Variants in CACNA1H observed in about 807,000 individuals in gnomAD.
The protein encoded by CACNA1H is voltage-dependent T-type calcium channel subunit alpha-1H.
Under a neutral mutation model 192.5 loss-of-function variants are expected in CACNA1H, and 149 were observed. The ratio of observed to expected loss-of-function variants is 0.77; its 90% CI spans 0.68 to 0.89. The LOEUF (loss-of-function observed/expected upper bound fraction) is 0.89. CACNA1H is among the 40% of genes least tolerant of loss of function. CACNA1H has a pLI of 0.00. For missense variants in CACNA1H, 4,257 were observed against 3,423.5 expected, an observed-to-expected ratio of 1.24 and a Z score of -6.08; for synonymous variants, 2,202 against 1,475.2, an observed-to-expected ratio of 1.49 and a Z score of -11.29.
At chr16:1,217,590 C>T (rs1423043504) in intron 31 of CACNA1H, among the ~76,000 whole-genome samples, 5 of 152,220 alleles carry the variant, frequency 3.3e-5, no homozygotes, top group African/African-American at 9.6e-5. Flanking sequence ...TGTCTGTCCA[C>T]CAGGTAAGCT....
intron 2 of CACNA1H, among the ~76,000 whole-genome samples, chr16:1,162,639 TG>T (rs36082375): frequency 0.13 from 11,863 of 92,710 alleles, 579 homozygotes; most frequent in Non-Finnish European, 0.17. Context: ...ACACCTGGAG[TG>T]GGGGGGGGGG....
chr16:1,221,454 G>A lies in CACNA1H; in HGVS notation c.*460G>A. On this transcript the variant is annotated 3_prime_UTR_variant, in exon 35 of 35. Coordinates refer to ENST00000348261, the MANE Select transcript of CACNA1H (RefSeq NM_021098.3). ...TCACAGTCTGAGTTCTTGTCCGCCTGTCACGCCCTCACCACCCTCCCCTTC... is the reference window on the plus strand; with the variant it reads ...TCACAGTCTGAGTTCTTGTCCGCCTATCACGCCCTCACCACCCTCCCCTTC... The A allele has an allele frequency of 2.9e-6, 1 of 350,236 alleles. No individual in the cohort carries two copies. The highest frequency in any genetic ancestry group is 5.2e-6 in the Non-Finnish European group (1 of 193,004). 21.7% of individuals were successfully genotyped at this position (350,236 alleles called of 1,614,324 possible). A position where few individuals can be genotyped will look rare whatever the true frequency, so the allele number is the denominator to read the frequency against.
intron 20 of CACNA1H, 61 bp downstream of exon 20, chr16:1,210,712 C>A: frequency 6.3e-7 from 1 of 1,578,040 alleles, no homozygotes; most frequent in South Asian, 1.1e-5. Flanking sequence ...TCATCCCCAC[C>A]CCCACCCAGC....
intron 2 of CACNA1H, among the ~76,000 whole-genome samples, chr16:1,189,871 G>A (rs1027939476): frequency 2.6e-5 from 4 of 152,162 alleles, no homozygotes; most frequent in African/African-American, 4.8e-5. Flanking sequence ...TCATCGTTAC[G>A]AGCCCCTGGC....
chr16:1,200,617 G>T, intron 7 of CACNA1H, 46 bp downstream of exon 7: 1 of 1,604,090 alleles, frequency 6.2e-7, no homozygotes, highest in African/African-American at 1.3e-5. Context: ...CACGGCAGGG[G>T]AGCGGGTGCA....
intron 30 of CACNA1H, among the ~76,000 whole-genome samples, chr16:1,216,294 G>A (rs997605011): frequency 1.3e-5 from 2 of 152,220 alleles, no homozygotes; most frequent in Admixed American, 6.5e-5. Flanking sequence ...GCCTAGCTTC[G>A]TCCAAGTAAC....
chr16:1,189,523 C>T (rs1012709507), intron 2 of CACNA1H, among the ~76,000 whole-genome samples: 4 of 148,222 alleles, frequency 2.7e-5, no homozygotes, highest in Admixed American at 6.8e-5. Flanking sequence ...GTCAAGCGAT[C>T]CTCCCACTTC....
intron 2 of CACNA1H, among the ~76,000 whole-genome samples, chr16:1,158,560 G>A (rs1596287268): frequency 1.3e-5 from 2 of 152,210 alleles, no homozygotes; most frequent in African/African-American, 2.4e-5. Context: ...GGAAGTGGGC[G>A]TGACGCCAGC....
chr16:1,198,953 T>A (rs1204636220), intron 6 of CACNA1H, 179 bp downstream of exon 6: 2 of 441,806 alleles, frequency 4.5e-6, no homozygotes, highest in Non-Finnish European at 7.4e-6. Flanking sequence ...CCACCCCCCA[T>A]CATGGCTCCG....
At position 1,211,110 on chromosome 16, in the gene CACNA1H, C is replaced by T. The variant is rs117587370; in HGVS notation, c.4224-58C>T. On this transcript the variant is annotated intron_variant, in intron 21 of 34. Coordinates refer to ENST00000348261, the MANE Select transcript of CACNA1H (RefSeq NM_021098.3). The stretch of plus-strand genomic sequence containing the variant: ...ACCTTGGGACCTTTGCTGAGCTCTG[C>T]CGGCGCCTGGCAGCTGCTGCCATAG... 12,777 of 1,591,946 alleles carry T rather than the reference C, an allele frequency of 8.0e-3. 69 individuals are homozygous for T. Among genetic ancestry groups the T allele is most frequent in the Non-Finnish European group, 0.01 (11,738 of 1,168,840 alleles).
At chr16:1,218,947 G>A (rs1430935442) in intron 33 of CACNA1H, 23 bp from the exon 34 acceptor site, 10 of 1,548,804 alleles carry the variant, frequency 6.5e-6, no homozygotes, top group Non-Finnish European at 7.0e-6. Context: ...AGAGCTGCCA[G>A]CTTAGATTCT....
In CACNA1H at chr16:1,167,717, C is replaced by T. The variant is rs1280376330; in HGVS notation, c.299+13681C>T. Among the ~76,000 whole-genome samples the T allele has an allele frequency of 2.0e-5, 3 of 152,206 alleles. No individual in the cohort carries two copies. The highest frequency in any genetic ancestry group is 4.4e-5 in the Non-Finnish European group (3 of 68,034). On this transcript the variant is annotated intron_variant, in intron 2 of 34. Coordinates refer to ENST00000348261, the MANE Select transcript of CACNA1H (RefSeq NM_021098.3). This position sits in a 1 kb window ranked among gnomAD's most constrained non-coding sequence, Gnocchi z 4.2. The stretch of plus-strand genomic sequence containing the variant: ...GCTCCTGGCTAGGGACCCCGAGACC[C>T]CTCCTTTGCTTCCTGAAAGGAGCCC...
intron 2 of CACNA1H, among the ~76,000 whole-genome samples, chr16:1,160,931 C>A (rs1021667675): frequency 6.6e-5 from 10 of 151,762 alleles, no homozygotes; most frequent in Non-Finnish European, 1.0e-4. Context: ...CCAGTGCGGC[C>A]CCCCCCCAGC....
At position 1,154,048 on chromosome 16, in the gene CACNA1H, G is replaced by T; in HGVS notation, c.299+12G>T. 9.2e-7 allele frequency: 1 copy of T among 1,086,882 alleles called. No individual in the cohort carries two copies. Among genetic ancestry groups the T allele is most frequent in the Non-Finnish European group, 1.1e-6 (1 of 870,816 alleles). 67.3% of individuals were successfully genotyped at this position (1,086,882 alleles called of 1,614,324 possible). On this transcript the variant is annotated intron_variant, in intron 2 of 34. Coordinates refer to ENST00000348261, the MANE Select transcript of CACNA1H (RefSeq NM_021098.3). Reference sequence around the variant, plus strand: ...CTGGTCTGCAACCCATATCCTTCCCGGCCGGCGGGGGGCGGGGGGCGGGGG... The same window carrying T: ...CTGGTCTGCAACCCATATCCTTCCCTGCCGGCGGGGGGCGGGGGGCGGGGG...
Position 1,166,541 on chromosome 16 carries a change from G to A in CACNA1H, c.299+12505G>A, listed in dbSNP as rs139246306. 3.8e-3 allele frequency among the ~76,000 whole-genome samples: 584 copies of A among 152,226 alleles called. 3 individuals are homozygous for A. The highest frequency in any genetic ancestry group is 9.5e-3 in the African/African-American group (394 of 41,518). The stretch of plus-strand genomic sequence containing the variant: ...ATTCGGTCGTTCTCCCTGTATCCTC[G>A]CGGTGGTGCAGCCCCAGCAGCGATG... On this transcript the variant is annotated intron_variant, in intron 2 of 34. Transcript: ENST00000348261.
At chr16:1,155,135 A>G (rs1962149875) in intron 2 of CACNA1H, among the ~76,000 whole-genome samples, 1 of 152,256 alleles carries the variant, frequency 6.6e-6, no homozygotes, top group African/African-American at 2.4e-5. Flanking sequence ...TGTACAAAAA[A>G]AGTCATAAAG....
intron 2 of CACNA1H, among the ~76,000 whole-genome samples, chr16:1,193,957 TGCTGCACGCA>T (rs1261945762): frequency 6.6e-6 from 1 of 152,078 alleles, no homozygotes; most frequent in South Asian, 2.1e-4. Flanking sequence ...CTGACCCCAG[TGCTGCACGCA>T]GCACCCAGGA....
At chr16:1,212,399 C>A (rs893915272) in intron 25 of CACNA1H, 112 bp from the exon 26 acceptor site, 3 of 1,198,462 alleles carry the variant, frequency 2.5e-6, no homozygotes, top group African/African-American at 3.1e-5. Flanking sequence ...GTCCTCACTC[C>A]ACGAGGAGCC....
At position 1,210,564 on chromosome 16, in the gene CACNA1H, C is replaced by CT; in HGVS notation, c.3970-19_3970-18insT. The CT allele has an allele frequency of 6.2e-7, 1 of 1,610,034 alleles. No individual in the cohort carries two copies. Among genetic ancestry groups the CT allele is most frequent in the South Asian group, 1.1e-5 (1 of 91,070 alleles). ...GAGGGGTGGAGTGGACACAGCCCCC[C>CT]ACCGTCCTCTCCCGGCAGGAGCGGG... is the stretch of plus-strand genomic sequence containing the variant. On this transcript the variant is annotated intron_variant, in intron 19 of 34. Coordinates refer to ENST00000348261, the MANE Select transcript of CACNA1H (RefSeq NM_021098.3).
Sources: gnomAD v4.1 joint callset for allele counts (sites outside exome capture counted in the v4.1 genomes callset) on GRCh38, gnomAD v4.1.1 for gene constraint, Gnocchi (gnomAD v3.1) non-coding constraint, MANE v1.5 for transcripts, NCBI Gene and HGNC (gene_info 2026-07-23, HGNC 2026-07-21) for gene names.